PCDH15: variants seen among roughly 807,000 people sequenced by gnomAD.
PCDH15 encodes protocadherin related 15.
PCDH15 carries 129 observed loss-of-function variants against 178.5 expected under a neutral mutation model. The observed-to-expected ratio is 0.72, with a 90% CI of 0.63 to 0.84. PCDH15 has a LOEUF of 0.84. Among genes scored for constraint, PCDH15 ranks in the 40% least tolerant of loss-of-function variants. PCDH15 has a pLI of 0.00. For missense variants in PCDH15, 2,230 were observed against 2,099.9 expected, an observed-to-expected ratio of 1.06 and a Z score of -1.21; for synonymous variants, 800 against 732.0, an observed-to-expected ratio of 1.09 and a Z score of -1.50.
At chr10:54,936,634 G>T (rs547483763) in intron 2 of PCDH15, among the ~76,000 whole-genome samples, 13 of 151,042 alleles carry the variant, frequency 8.6e-5, no homozygotes, top group African/African-American at 3.1e-4. Flanking sequence ...AATAACTAAT[G>T]ATAATCATAA....
chr10:53,867,518 A>T (rs2079542038), intron 26 of PCDH15, among the ~76,000 whole-genome samples: 1 of 152,144 alleles, frequency 6.6e-6, no homozygotes, highest in Non-Finnish European at 1.5e-5. Flanking sequence ...TTATTTGTCA[A>T]TTTTAAAAAT....
At chr10:55,574,786 G>T (rs1842467164) in intron 2 of PCDH15, among the ~76,000 whole-genome samples, 1 of 151,982 alleles carries the variant, frequency 6.6e-6, no homozygotes, top group South Asian at 2.1e-4. Flanking sequence ...GCAAGAACCT[G>T]AAAACTCTAT....
At chr10:54,995,196 G>GA (rs1044110287) in intron 2 of PCDH15, among the ~76,000 whole-genome samples, 12 of 151,976 alleles carry the variant, frequency 7.9e-5, no homozygotes, top group Non-Finnish European at 1.8e-4. Context: ...CTAACACGGT[G>GA]AAACCCTGTC....
chr10:54,911,226 T>C (rs934821695), intron 2 of PCDH15, among the ~76,000 whole-genome samples: 12 of 152,172 alleles, frequency 7.9e-5, no homozygotes, highest in Admixed American at 4.6e-4. Context: ...TCAGATTTCA[T>C]AGAAGGAGTT....
chr10:54,435,952 A>G (rs566721499), intron 3 of PCDH15, among the ~76,000 whole-genome samples: 1 of 151,630 alleles, frequency 6.6e-6, no homozygotes, highest in South Asian at 2.1e-4. Context: ...CCTGGGCAAC[A>G]GAGCGAGACT....
intron 3 of PCDH15, among the ~76,000 whole-genome samples, chr10:54,852,877 A>C (rs564772877): frequency 2.6e-5 from 4 of 151,402 alleles, no homozygotes; most frequent in Non-Finnish European, 5.9e-5. Context: ...AAATAAAATA[A>C]AATAAAATAA....
intron 9 of PCDH15, among the ~76,000 whole-genome samples, chr10:54,228,457 T>A (rs554889525): frequency 6.6e-6 from 1 of 152,056 alleles, no homozygotes; most frequent in African/African-American, 2.4e-5. Flanking sequence ...CCACAACACA[T>A]AGGAATTCAA....
intron 1 of PCDH15, among the ~76,000 whole-genome samples, chr10:54,756,094 C>A (rs937478824): frequency 1.1e-4 from 16 of 145,134 alleles, no homozygotes; most frequent in Non-Finnish European, 1.5e-4. Flanking sequence ...CACACACACA[C>A]ACAAAATTAG....
At chr10:55,098,239 G>A (rs918878559) in intron 2 of PCDH15, among the ~76,000 whole-genome samples, 1 of 152,128 alleles carries the variant, frequency 6.6e-6, no homozygotes, top group Admixed American at 6.5e-5. Context: ...TTAAGACACA[G>A]AAAGTTGAAG....
chr10:55,614,156 T>C (rs1365417299), intron 2 of PCDH15, among the ~76,000 whole-genome samples: 1 of 152,100 alleles, frequency 6.6e-6, no homozygotes, highest in African/African-American at 2.4e-5. Context: ...TTCCTCTTTT[T>C]TTATGATTTA....
intron 2 of PCDH15, among the ~76,000 whole-genome samples, chr10:54,635,840 C>T (rs1056975853): frequency 2.6e-5 from 4 of 151,734 alleles, no homozygotes; most frequent in Non-Finnish European, 5.9e-5. Flanking sequence ...TCAGAGGTGA[C>T]CTCCACGAGT....
chr10:53,882,870 A>T (rs1206445570), intron 26 of PCDH15, among the ~76,000 whole-genome samples: 1 of 152,016 alleles, frequency 6.6e-6, no homozygotes, highest in African/African-American at 2.4e-5. Flanking sequence ...AATGGCCAAT[A>T]GTCTTTTATA....
chr10:54,624,857 C>T (rs1336480643), intron 2 of PCDH15, among the ~76,000 whole-genome samples: 1 of 152,164 alleles, frequency 6.6e-6, no homozygotes, highest in African/African-American at 2.4e-5. Context: ...TCAATGTTCC[C>T]ATCACCCAGG....
chr10:54,719,574 C>A (rs11004480), intron 1 of PCDH15, among the ~76,000 whole-genome samples: 1 of 151,820 alleles, frequency 6.6e-6, no homozygotes, highest in Admixed American at 6.6e-5. Flanking sequence ...GGTGGTTACA[C>A]AGATATATGT....
At chr10:54,759,072 CT>C in intron 1 of PCDH15, among the ~76,000 whole-genome samples, 1 of 148,654 alleles carries the variant, frequency 6.7e-6, no homozygotes, top group East Asian at 1.9e-4. Context: ...TCTGCCTTCC[CT>C]CCCCCTCCAT....
intron 2 of PCDH15, among the ~76,000 whole-genome samples, chr10:54,540,993 TC>T (rs1173018959): frequency 6.6e-6 from 1 of 152,124 alleles, no homozygotes; most frequent in Non-Finnish European, 1.5e-5. Context: ...AAACTCTGTA[TC>T]AAGGGAACAT....
In PCDH15 at chr10:53,806,920, G is replaced by C. The variant is rs1195279261; in HGVS notation, c.4882C>G (p.Pro1628Ala). Residue 1628 changes from proline to alanine, a missense_variant, in exon 38 of 38, where the codon CCT becomes GCT. By Grantham distance (27) the Pro-to-Ala change is conservative. Transcript: ENST00000644397. ...CLTDNLKVAS[P>A]VRLGGPFKKL... ...TTAAAGGGCCCTCCCAGTCGAACAGGGGAAGCAACTTTTAAGTTGTCCGTG... is the reference window on the plus strand; with the variant it reads ...TTAAAGGGCCCTCCCAGTCGAACAGCGGAAGCAACTTTTAAGTTGTCCGTG... The C allele has an allele frequency of 3.1e-6, 5 of 1,613,808 alleles. No homozygotes were observed. The highest frequency in any genetic ancestry group is 2.5e-6 in the Non-Finnish European group (3 of 1,179,806).
At chr10:54,198,098 T>G (rs2049856265) in intron 10 of PCDH15, among the ~76,000 whole-genome samples, 1 of 152,152 alleles carries the variant, frequency 6.6e-6, no homozygotes, top group South Asian at 2.1e-4. Context: ...GAATAATGTT[T>G]GGTCCTGTCT....
chr10:54,916,946 G>C (rs1837352363), intron 2 of PCDH15, among the ~76,000 whole-genome samples: 1 of 152,128 alleles, frequency 6.6e-6, no homozygotes, highest in African/African-American at 2.4e-5. Flanking sequence ...AGTCCCAGCA[G>C]AAAGATGACC....
Sources: gnomAD v4.1 joint callset for allele counts (sites outside exome capture counted in the v4.1 genomes callset) on GRCh38, gnomAD v4.1.1 for gene constraint, MANE v1.5 for transcripts, NCBI Gene and HGNC (gene_info 2026-07-23, HGNC 2026-07-21) for gene names.